The following MGAT4D variants were observed in gnomAD, a reference collection of about 807,000 sequenced individuals.
MGAT4D encodes the protein MGAT4 family member D, also known as alpha-1,3-mannosyl-glycoprotein 4-beta-N-acetylglucosaminyltransferase-like protein MGAT4D.
A neutral mutation model predicts 15.9 loss-of-function variants in MGAT4D; 34 were observed. That is an observed-to-expected ratio of 2.14 (90% confidence interval 1.62 to 2.84). The LOEUF (loss-of-function observed/expected upper bound fraction) is 2.84. Among genes scored for constraint, MGAT4D ranks in the 30% most tolerant of loss-of-function variants. The pLI is 0.00. For synonymous variants in MGAT4D, 112 were observed against 48.2 expected, an observed-to-expected ratio of 2.33 and a Z score of -5.49; for missense variants, 327 against 140.2, an observed-to-expected ratio of 2.33 and a Z score of -6.73.
At position 140,442,276 on chromosome 4, in the gene MGAT4D, T is replaced by C. The variant is rs1228206634; in HGVS notation, c.*1160A>G. On this transcript the variant is annotated 3_prime_UTR_variant, in exon 11 of 11. Coordinates refer to ENST00000511113, the MANE Select transcript of MGAT4D (RefSeq NM_001277353.2). ...CACAGAAATAGTTCGTCTTTCATAT[T>C]ATCTTTATAAATTGGTATTTGATAC... The C allele has an allele frequency of 2.0e-5, 3 of 152,188 alleles. No homozygotes were observed. Among genetic ancestry groups the C allele is most frequent in the African/African-American group, 7.2e-5 (3 of 41,456 alleles). 9.4% of individuals were successfully genotyped at this position (152,188 alleles called of 1,614,324 possible).
chr4:140,486,066 T>C (rs367664615), intron 1 of MGAT4D, among the ~76,000 whole-genome samples: 10 of 152,078 alleles, frequency 6.6e-5, no homozygotes, highest in African/African-American at 2.4e-4. Context: ...AGTTCCTCCC[T>C]GGTCTCATTT....
intron 1 of MGAT4D, 144 bp downstream of exon 1, chr4:140,497,985 C>G: frequency 1.9e-6 from 1 of 519,610 alleles, no homozygotes; most frequent in Non-Finnish European, 3.4e-6. Context: ...AAGGCACCGA[C>G]GCGGGCCTCC....
At chr4:140,473,291 C>T (rs1732094184) in intron 4 of MGAT4D, among the ~76,000 whole-genome samples, 1 of 152,088 alleles carries the variant, frequency 6.6e-6, no homozygotes, top group African/African-American at 2.4e-5. Context: ...ATTCTTCTTT[C>T]AATGACTATC....
intron 1 of MGAT4D, among the ~76,000 whole-genome samples, chr4:140,497,445 T>C (rs1266128202): frequency 6.6e-6 from 1 of 152,222 alleles, no homozygotes; most frequent in Admixed American, 6.5e-5. Flanking sequence ...TAATATATAA[T>C]TGTTTATCTG....
chr4:140,448,009 C>A (rs1730241975), intron 10 of MGAT4D, among the ~76,000 whole-genome samples: 1 of 152,022 alleles, frequency 6.6e-6, no homozygotes. Context: ...GATATTTTTT[C>A]TTTTAGAATG....
rs1241045 is a variant in MGAT4D at position 140,498,280 on chromosome 4, G to T, written c.-58C>A. The T allele has an allele frequency of 1.6e-3, 1,093 of 695,690 alleles. 1 individual carries two copies. The highest frequency in any genetic ancestry group is 2.3e-3 in the Non-Finnish European group (871 of 380,928). The allele number at this position is 695,690 out of a possible 1,614,324, so 43.1% of individuals were successfully genotyped here. On this transcript the variant is annotated 5_prime_UTR_variant, in exon 1 of 11. Transcript: ENST00000511113. ...GGAGGCGGCGGATAATGCCAGGGACGGGGTTGAGCGCGCAGAGCCCCCTCC... is the reference window on the plus strand; with the variant it reads ...GGAGGCGGCGGATAATGCCAGGGACTGGGTTGAGCGCGCAGAGCCCCCTCC...
In MGAT4D at chr4:140,456,640, C is replaced by T. The variant is rs147897152; in HGVS notation, c.957G>A (p.Trp319Ter). 4.3e-5 allele frequency: 30 copies of T among 696,420 alleles called. No homozygotes were observed. In the East Asian group the frequency reaches 8.1e-4, roughly 19 times the overall value. 43.1% of individuals were successfully genotyped at this position (696,420 alleles called of 1,614,324 possible). A position where few individuals can be genotyped will look rare whatever the true frequency, so the allele number is the denominator to read the frequency against. Residue 319 changes from tryptophan to a stop codon, truncating the protein, a stop_gained, in exon 9 of 11, where the codon TGG (tryptophan) becomes TGA (stop). Coordinates refer to ENST00000511113, the MANE Select transcript of MGAT4D (RefSeq NM_001277353.2). LOFTEE classifies it high-confidence loss of function. ...TTACCTGAAAAATGTCATTCAAGAG[C>T]CAGTCTATGGGTTTCTCTTTGTAGA... Reference protein sequence around the residue: ...LMFYKEKPIDWLLNDIFQVKV... With the variant: ...LMFYKEKPID
At chr4:140,455,442 T>C (rs1476075705) in intron 9 of MGAT4D, among the ~76,000 whole-genome samples, 2 of 152,218 alleles carry the variant, frequency 1.3e-5, no homozygotes, top group Non-Finnish European at 1.5e-5. Flanking sequence ...TTAAAAATCA[T>C]TTCAGTTTAA....
chr4:140,470,819 A>G (rs1731882335), intron 5 of MGAT4D, among the ~76,000 whole-genome samples: 1 of 152,066 alleles, frequency 6.6e-6, no homozygotes, highest in Non-Finnish European at 1.5e-5. Context: ...CTCTTCGTCT[A>G]CATGTTGTCA....
At chr4:140,480,897 T>C (rs1242100740) in intron 2 of MGAT4D, among the ~76,000 whole-genome samples, 1 of 151,938 alleles carries the variant, frequency 6.6e-6, no homozygotes, top group African/African-American at 2.4e-5. Context: ...GATTGTGCCA[T>C]TGCATTCCCC....
chr4:140,496,384 C>T (rs1733836021), intron 1 of MGAT4D, among the ~76,000 whole-genome samples: 1 of 152,206 alleles, frequency 6.6e-6, no homozygotes, highest in South Asian at 2.1e-4. Flanking sequence ...TGAACTTGAA[C>T]ATATGAATGA....
intron 1 of MGAT4D, among the ~76,000 whole-genome samples, 200 bp downstream of exon 1, chr4:140,497,929 G>A (rs59803610): frequency 6.6e-6 from 1 of 152,112 alleles, no homozygotes; most frequent in Non-Finnish European, 1.5e-5. Flanking sequence ...GTCGGGGCGC[G>A]GGTTACAGCC....
At chr4:140,444,627 G>A (rs1275980928) in intron 10 of MGAT4D, among the ~76,000 whole-genome samples, 1 of 152,158 alleles carries the variant, frequency 6.6e-6, no homozygotes, top group Non-Finnish European at 1.5e-5. Flanking sequence ...ATCGCTGATA[G>A]GCATTTAGGT....
At chr4:140,486,339 C>T (rs537190399) in intron 1 of MGAT4D, among the ~76,000 whole-genome samples, 14 of 152,236 alleles carry the variant, frequency 9.2e-5, no homozygotes, top group East Asian at 3.9e-4. Flanking sequence ...GATAGCACAG[C>T]CGTCTTTCCC....
At chr4:140,464,017 A>G (rs145568961) in intron 6 of MGAT4D, among the ~76,000 whole-genome samples, 1 of 152,188 alleles carries the variant, frequency 6.6e-6, no homozygotes, top group Non-Finnish European at 1.5e-5. Context: ...GAGAGATTTT[A>G]AAAAAGAAAC....
Position 140,442,758 on chromosome 4 carries a change from AC to A in MGAT4D, c.*677del, listed in dbSNP as rs1729853660. 6.6e-6 allele frequency: 1 copy of A among 152,154 alleles called. No homozygotes were observed. Among genetic ancestry groups the A allele is most frequent in the Non-Finnish European group, 1.5e-5 (1 of 67,998 alleles). 9.4% of individuals were successfully genotyped at this position (152,154 alleles called of 1,614,324 possible). ...TTTATCACACAGGTAAAGTTCTATAACCACTATGCAAGTAATTTAGAAATTA... is the reference window on the plus strand; with the variant it reads ...TTTATCACACAGGTAAAGTTCTATAACACTATGCAAGTAATTTAGAAATTA... On this transcript the variant is annotated 3_prime_UTR_variant, in exon 11 of 11. Transcript: ENST00000511113.
chr4:140,494,070 CA>C (rs58364674), intron 1 of MGAT4D, among the ~76,000 whole-genome samples: 12,976 of 152,180 alleles, frequency 0.085, 557 homozygotes, highest in South Asian at 0.11. Context: ...GAAACACTCT[CA>C]AAGAAGAAAA....
chr4:140,474,779 A>C (rs1732202580), intron 4 of MGAT4D, 34 bp downstream of exon 4: 1 of 589,110 alleles, frequency 1.7e-6, no homozygotes, highest in Admixed American at 3.0e-5. Flanking sequence ...CCATAGGGTG[A>C]GGATAAGGAG....
chr4:140,498,292 G>T lies in MGAT4D; in HGVS notation c.-70C>A, dbSNP rs1482085820. On this transcript the variant is annotated 5_prime_UTR_variant, in exon 1 of 11. Coordinates refer to ENST00000511113, the MANE Select transcript of MGAT4D (RefSeq NM_001277353.2). ...TAATGCCAGGGACGGGGTTGAGCGC[G>T]CAGAGCCCCCTCCCCGCGGTGCCGC... 1.0e-5 allele frequency: 7 copies of T among 684,660 alleles called. No homozygotes were observed. Among genetic ancestry groups the T allele is most frequent in the Admixed American group, 4.2e-5 (2 of 48,010 alleles). The allele number at this position is 684,660 out of a possible 1,614,324, so 42.4% of individuals were successfully genotyped here. A position where few individuals can be genotyped will look rare whatever the true frequency, so the allele number is the denominator to read the frequency against.
Sources: gnomAD v4.1 joint callset for allele counts (sites outside exome capture counted in the v4.1 genomes callset) on GRCh38, gnomAD v4.1.1 for gene constraint, MANE v1.5 for transcripts, NCBI Gene and HGNC (gene_info 2026-07-23, HGNC 2026-07-21) for gene names.